PABPC4L: variants seen among roughly 807,000 people sequenced by gnomAD.
The protein encoded by PABPC4L is poly(A) binding protein cytoplasmic 4 like.
For missense variants in PABPC4L, 452 were observed against 451.4 expected (o/e 1.00, Z -0.01); for synonymous variants, 169 against 164.1 (o/e 1.03, Z -0.23).
the PABPC4L span, among the ~76,000 whole-genome samples, chr4:134,167,183 T>C: frequency 6.6e-6 from 1 of 151,992 alleles, no homozygotes; most frequent in Non-Finnish European, 1.5e-5. Flanking sequence ...ACACCAAGAG[T>C]GAACCCTAAT....
the PABPC4L span, among the ~76,000 whole-genome samples, chr4:133,996,228 T>C: frequency 1.3e-5 from 2 of 152,218 alleles, no homozygotes; most frequent in African/African-American, 4.8e-5. Flanking sequence ...CTCTTCTGTG[T>C]AGAGTGGGAC....
the PABPC4L span, among the ~76,000 whole-genome samples, chr4:133,967,098 G>C: frequency 6.6e-6 from 1 of 152,018 alleles, no homozygotes; most frequent in Non-Finnish European, 1.5e-5. Context: ...AATGATATTT[G>C]AGGAGATGAG....
At chr4:134,017,005 C>T in the PABPC4L span, among the ~76,000 whole-genome samples, 7 of 152,270 alleles carry the variant, frequency 4.6e-5, no homozygotes, top group Middle Eastern at 3.4e-3. Context: ...TCTGAGAAGG[C>T]CACCGCGGTC....
At chr4:134,182,836 C>T in the PABPC4L span, among the ~76,000 whole-genome samples, 897 of 152,008 alleles carry the variant, frequency 5.9e-3, 12 homozygotes, top group African/African-American at 0.02. Flanking sequence ...ATACACATGG[C>T]CAACAAGCAT....
At chr4:133,954,494 ACTTTAT>A in the PABPC4L span, among the ~76,000 whole-genome samples, 1 of 151,670 alleles carries the variant, frequency 6.6e-6, no homozygotes, top group Non-Finnish European at 1.5e-5. Context: ...AAACAGCAAA[ACTTTAT>A]CATCTCTTGT....
At chr4:134,017,660 T>C in the PABPC4L span, among the ~76,000 whole-genome samples, 2 of 152,184 alleles carry the variant, frequency 1.3e-5, no homozygotes, top group Non-Finnish European at 2.9e-5. Context: ...TCTTAGACCT[T>C]TAATACCTGT....
chr4:134,189,676 A>G, the PABPC4L span, among the ~76,000 whole-genome samples: 1 of 152,018 alleles, frequency 6.6e-6, no homozygotes, highest in Non-Finnish European at 1.5e-5. Context: ...AGCATCCTGT[A>G]GTCTTATGAT....
At chr4:133,985,077 C>A in the PABPC4L span, among the ~76,000 whole-genome samples, 1 of 151,884 alleles carries the variant, frequency 6.6e-6, no homozygotes, top group Non-Finnish European at 1.5e-5. Flanking sequence ...AATTTAAAAA[C>A]CAAAAACAAA....
chr4:134,201,532 C>G (rs1229640806), intron 1 of PABPC4L, among the ~76,000 whole-genome samples, 186 bp downstream of exon 1: 1 of 152,082 alleles, frequency 6.6e-6, no homozygotes, highest in Non-Finnish European at 1.5e-5. Context: ...CTGCAGGCGC[C>G]GCCGCCGCCG....
At chr4:133,998,002 T>G in the PABPC4L span, among the ~76,000 whole-genome samples, 2 of 151,962 alleles carry the variant, frequency 1.3e-5, no homozygotes, top group African/African-American at 4.8e-5. Context: ...ATTTTTAAAC[T>G]TCAAGTACCA....
chr4:134,011,871 T>G, the PABPC4L span, among the ~76,000 whole-genome samples: 2 of 152,148 alleles, frequency 1.3e-5, no homozygotes, highest in Non-Finnish European at 2.9e-5. Context: ...TATTTACACT[T>G]AGATGTTCAT....
chr4:133,990,844 C>T, the PABPC4L span, among the ~76,000 whole-genome samples: 1 of 152,026 alleles, frequency 6.6e-6, no homozygotes, highest in African/African-American at 2.4e-5. Flanking sequence ...TATTATCTAC[C>T]CTTTGCTCTC....
chr4:134,190,237 T>C, the PABPC4L span, among the ~76,000 whole-genome samples: 3 of 152,152 alleles, frequency 2.0e-5, no homozygotes, highest in Non-Finnish European at 4.4e-5. Context: ...ATTTTGGATA[T>C]AGTGGTTTGT....
downstream of PABPC4L, among the ~76,000 whole-genome samples, chr4:134,195,819 A>T (rs73858048): frequency 2.0e-4 from 31 of 151,842 alleles, no homozygotes; most frequent in African/African-American, 7.0e-4. Flanking sequence ...CTGCAAAATA[A>T]TCTGACTTTA....
At chr4:134,028,360 T>C in the PABPC4L span, among the ~76,000 whole-genome samples, 1 of 152,050 alleles carries the variant, frequency 6.6e-6, no homozygotes, top group African/African-American at 2.4e-5. Context: ...CCTCTCCTCA[T>C]GCTAAGCCTC....
chr4:134,149,672 C>A, the PABPC4L span, among the ~76,000 whole-genome samples: 1 of 152,122 alleles, frequency 6.6e-6, no homozygotes, highest in Non-Finnish European at 1.5e-5. Flanking sequence ...GGAAATGTTT[C>A]CGTAGCAAAT....
At chr4:134,138,088 G>C in the PABPC4L span, among the ~76,000 whole-genome samples, 1 of 151,450 alleles carries the variant, frequency 6.6e-6, no homozygotes, top group Non-Finnish European at 1.5e-5. Context: ...GATTTAAAAT[G>C]TTTTATGAAA....
the PABPC4L span, among the ~76,000 whole-genome samples, chr4:133,964,987 G>T: frequency 1.3e-5 from 2 of 152,094 alleles, no homozygotes; most frequent in Non-Finnish European, 2.9e-5. Context: ...AGAAGAGAAA[G>T]AAATAAAGGA....
chr4:134,071,932 T>C, the PABPC4L span, among the ~76,000 whole-genome samples: 1 of 152,096 alleles, frequency 6.6e-6, no homozygotes, highest in African/African-American at 2.4e-5. Context: ...TCCTTTAGAC[T>C]TTAGGTTTTA....
Sources: allele counts gnomAD v4.1 joint callset (sites outside exome capture counted in the v4.1 genomes callset), GRCh38; gene constraint gnomAD v4.1.1; transcripts MANE v1.5; gene names NCBI Gene and HGNC (gene_info 2026-07-23, HGNC 2026-07-21).